Variants in RBMS3 observed in about 807,000 individuals in gnomAD.
The protein encoded by RBMS3 is RNA binding motif single stranded interacting protein 3.
A neutral mutation model predicts 66.8 loss-of-function variants in RBMS3; 27 were observed. The ratio of observed to expected loss-of-function variants is 0.40; its 90% confidence interval spans 0.30 to 0.56. RBMS3 has a LOEUF of 0.56. RBMS3 is among the 20% of genes least tolerant of loss of function. RBMS3 has a pLI of 0.40. For missense variants in RBMS3, 513 were observed against 549.5 expected (o/e 0.93, Z 0.66); for synonymous variants, 188 against 183.0 (o/e 1.03, Z -0.22).
intron 1 of RBMS3, among the ~76,000 whole-genome samples, chr3:29,334,884 A>C (rs1274052024): frequency 6.6e-6 from 1 of 152,222 alleles, no homozygotes; most frequent in East Asian, 1.9e-4. Flanking sequence ...CTTCGCATGA[A>C]ATAATATGAT....
intron 2 of RBMS3, among the ~76,000 whole-genome samples, chr3:29,464,976 C>A (rs2042488962): frequency 6.6e-6 from 1 of 152,140 alleles, no homozygotes; most frequent in Non-Finnish European, 1.5e-5. Context: ...TCTGATTCAT[C>A]TCAGTATTAC....
At chr3:29,655,875 T>C (rs1241177060) in intron 4 of RBMS3, among the ~76,000 whole-genome samples, 1 of 151,866 alleles carries the variant, frequency 6.6e-6, no homozygotes, top group African/African-American at 2.4e-5. Flanking sequence ...ACAGTGATAC[T>C]GAACCTGACC....
At chr3:29,603,005 G>C (rs541513747) in intron 4 of RBMS3, among the ~76,000 whole-genome samples, 1 of 151,914 alleles carries the variant, frequency 6.6e-6, no homozygotes, top group South Asian at 2.1e-4. Flanking sequence ...ATTATCATAG[G>C]GTTTATGTGA....
At position 29,994,683 on chromosome 3, in the gene RBMS3, G is replaced by C. The variant is rs552729353; in HGVS notation, c.1307+3474G>C. On this transcript the variant is annotated intron_variant, in intron 14 of 14. Transcript: ENST00000383767. ...GGCACACTGACACCTCACACGGCAG[G>C]GTATTCCAACAGACCTGCAGCTGAG... Among the ~76,000 whole-genome samples the C allele has an allele frequency of 3.5e-4, 53 of 152,234 alleles. 3 individuals are homozygous for C. The East Asian group carries it at 9.9e-3, about 28-fold the overall frequency.
At chr3:29,652,201 TA>T (rs1181777711) in intron 4 of RBMS3, among the ~76,000 whole-genome samples, 1 of 152,152 alleles carries the variant, frequency 6.6e-6, no homozygotes, top group African/African-American at 2.4e-5. Flanking sequence ...GTACAGAGAT[TA>T]ATGTGGTTAT....
chr3:29,515,241 T>C (rs1255876142), intron 3 of RBMS3, among the ~76,000 whole-genome samples: 7 of 152,206 alleles, frequency 4.6e-5, no homozygotes, highest in Admixed American at 4.6e-4. Context: ...GGAAAAGATT[T>C]ACCTGGAAAA....
chr3:29,740,826 G>A (rs931487152), intron 5 of RBMS3, among the ~76,000 whole-genome samples: 1 of 152,258 alleles, frequency 6.6e-6, no homozygotes, highest in South Asian at 2.1e-4. Flanking sequence ...CAGATCACAA[G>A]GTCAGGAGTT....
At chr3:29,323,237 T>G (rs931957103) in intron 1 of RBMS3, among the ~76,000 whole-genome samples, 4 of 152,160 alleles carry the variant, frequency 2.6e-5, no homozygotes, top group African/African-American at 9.7e-5. Flanking sequence ...ATTTTTATGT[T>G]TTATATGTTA....
At chr3:29,681,752 C>A (rs1336025470) in intron 4 of RBMS3, among the ~76,000 whole-genome samples, 2 of 152,168 alleles carry the variant, frequency 1.3e-5, no homozygotes, top group Non-Finnish European at 2.9e-5. Context: ...TCCAGTCTAT[C>A]ATTGATGGGC....
chr3:29,819,911 G>A (rs1004305483), intron 6 of RBMS3, among the ~76,000 whole-genome samples: 11 of 152,064 alleles, frequency 7.2e-5, no homozygotes, highest in African/African-American at 2.4e-4. Flanking sequence ...AACATTAAGT[G>A]AGGCCAGGTG....
intron 12 of RBMS3, among the ~76,000 whole-genome samples, chr3:29,946,874 G>C (rs911352274): frequency 1.3e-5 from 2 of 151,524 alleles, no homozygotes; most frequent in Non-Finnish European, 3.0e-5. Flanking sequence ...GAGAATGTTT[G>C]ATTTTCTGCG....
chr3:29,557,343 C>T (rs527535113), intron 3 of RBMS3, among the ~76,000 whole-genome samples: 1 of 152,292 alleles, frequency 6.6e-6, no homozygotes, highest in African/African-American at 2.4e-5. Flanking sequence ...TGTTGTTTTT[C>T]AAGGTAGCCA....
intron 2 of RBMS3, among the ~76,000 whole-genome samples, chr3:29,442,109 T>C (rs2041647277): frequency 6.6e-6 from 1 of 152,188 alleles, no homozygotes; most frequent in Non-Finnish European, 1.5e-5. Flanking sequence ...GTCAAACATT[T>C]ATTCAACATT....
At chr3:29,576,914 G>T (rs373894241) in intron 3 of RBMS3, among the ~76,000 whole-genome samples, 10 of 152,308 alleles carry the variant, frequency 6.6e-5, no homozygotes, top group African/African-American at 2.4e-4. Flanking sequence ...GTCCAGAAAT[G>T]CTGTCTACTA....
intron 1 of RBMS3, among the ~76,000 whole-genome samples, chr3:29,418,858 T>C (rs1358353010): frequency 6.6e-6 from 1 of 152,168 alleles, no homozygotes; most frequent in Non-Finnish European, 1.5e-5. Context: ...TTTATCTGTA[T>C]TATTACTAAA....
intron 1 of RBMS3, among the ~76,000 whole-genome samples, chr3:29,361,803 T>A (rs1364797604): frequency 1.3e-5 from 2 of 152,328 alleles, no homozygotes; most frequent in East Asian, 3.9e-4. Flanking sequence ...TCATTTGATC[T>A]TCCATCACTG....
At chr3:29,812,331 C>G (rs946299061) in intron 6 of RBMS3, among the ~76,000 whole-genome samples, 6 of 152,208 alleles carry the variant, frequency 3.9e-5, no homozygotes, top group Admixed American at 3.9e-4. Context: ...CGTTCCCCTC[C>G]CACCACCTCC....
intron 4 of RBMS3, among the ~76,000 whole-genome samples, chr3:29,597,446 C>G (rs1463378082): frequency 6.6e-6 from 1 of 152,068 alleles, no homozygotes; most frequent in Non-Finnish European, 1.5e-5. Context: ...AGTGGACACA[C>G]AAAAACAAAA....
intron 1 of RBMS3, among the ~76,000 whole-genome samples, chr3:29,285,084 T>C (rs2032182985): frequency 6.6e-6 from 1 of 151,348 alleles, no homozygotes; most frequent in Admixed American, 6.6e-5. Flanking sequence ...TTCATTAGCT[T>C]AATGACAAAA....
Sources: allele counts gnomAD v4.1 joint callset (sites outside exome capture counted in the v4.1 genomes callset), GRCh38; gene constraint gnomAD v4.1.1; transcripts MANE v1.5; gene names NCBI Gene and HGNC (gene_info 2026-07-23, HGNC 2026-07-21).